Variants in HGD observed in about 807,000 individuals in gnomAD.
HGD encodes homogentisate 1,2-dioxygenase, also known as homogentisate oxidase.
A neutral mutation model predicts 60.8 loss-of-function variants in HGD; 61 were observed. The observed-to-expected ratio is 1.00, with a 90% confidence interval of 0.82 to 1.24. HGD has a LOEUF of 1.24. Ranked by LOEUF, HGD falls within the 50% of genes most tolerant of loss-of-function variation. The probability of loss-of-function intolerance (pLI) is 0.00; values close to 1 mark genes in which losing one functional copy is unlikely to be tolerated. For synonymous variants in HGD, 212 were observed against 187.7 expected (o/e 1.13, Z -1.06); for missense variants, 542 against 547.1 (o/e 0.99, Z 0.09).
At chr3:120,635,356 A>G (rs750733838) in intron 12 of HGD, among the ~76,000 whole-genome samples, 2 of 151,740 alleles carry the variant, frequency 1.3e-5, no homozygotes, top group Non-Finnish European at 2.9e-5. Flanking sequence ...GGGCGCCTGT[A>G]GTCCCAGCTA....
intron 4 of HGD, among the ~76,000 whole-genome samples, chr3:120,661,774 G>C (rs1707773803): frequency 6.6e-6 from 1 of 152,190 alleles, no homozygotes; most frequent in Non-Finnish European, 1.5e-5. Flanking sequence ...AATGTGCACT[G>C]TAATGTTGGC....
intron 11 of HGD, among the ~76,000 whole-genome samples, chr3:120,640,891 T>C (rs980378343): frequency 1.3e-5 from 2 of 152,136 alleles, no homozygotes; most frequent in Non-Finnish European, 2.9e-5. Flanking sequence ...TAATTATCCT[T>C]CCAGCTTGTG....
In HGD at chr3:120,674,972, G is replaced by T; in HGVS notation, c.105C>A (p.Cys35Ter). The T allele has an allele frequency of 6.2e-7, 1 of 1,610,328 alleles. No individual in the cohort carries two copies. Among genetic ancestry groups the T allele is most frequent in the South Asian group, 1.1e-5 (1 of 91,028 alleles). Residue 35 changes from cysteine (C) to a stop codon, truncating the protein, a stop_gained, in exon 3 of 14, where the codon TGC (cysteine) becomes TGA (stop). Coordinates refer to ENST00000283871, the MANE Select transcript of HGD (RefSeq NM_000187.4). LOFTEE classifies it high-confidence loss of function. ...LPEGQNNPQV[C>*]PYNLYAEQLS... ...GCTGCTCAGCATAGAGATTGTAGGG[G>T]CAGACCTGAGGATTATTCTGAAACA...
Position 120,644,326 on chromosome 3 carries a change from G to A in HGD, c.767C>T (p.Ala256Val), listed in dbSNP as rs752334034. 4 of 1,613,932 alleles carry A rather than the reference G, an allele frequency of 2.5e-6. No homozygotes were observed. Among genetic ancestry groups the A allele is most frequent in the Non-Finnish European group, 3.4e-6 (4 of 1,179,986 alleles). Residue 256 changes from alanine (A) to valine (V), a missense_variant, in exon 10 of 14, where the codon GCC (alanine) becomes GTC (valine). This residue lies in a region of HGD where 537 missense variants were observed against 529.1 expected (regional missense o/e 1.01). Coordinates refer to ENST00000283871, the MANE Select transcript of HGD (RefSeq NM_000187.4). ...CCAACCCTTTTACTTTACCTGTTTGGCAGCAAACAGCTTGCCCTGGTATTT... is the reference window on the plus strand; with the variant it reads ...CCAACCCTTTTACTTTACCTGTTTGACAGCAAACAGCTTGCCCTGGTATTT... ...INKYQGKLFA[A>V]KQDVSPFNVV...
At chr3:120,672,367 A>G (rs551351555) in intron 3 of HGD, among the ~76,000 whole-genome samples, 2 of 152,286 alleles carry the variant, frequency 1.3e-5, no homozygotes, top group East Asian at 3.9e-4. Flanking sequence ...GCTGGAAGGG[A>G]CATTGAAGCT....
chr3:120,669,440 C>T (rs141031629), intron 4 of HGD, among the ~76,000 whole-genome samples: 4,394 of 135,880 alleles, frequency 0.032, 135 homozygotes, highest in East Asian at 0.16. Flanking sequence ...AGCTTATGTG[C>T]GCATGTGCAC....
intron 11 of HGD, 27 bp from the exon 12 acceptor site, chr3:120,638,608 C>T (rs375566897): frequency 4.5e-5 from 72 of 1,613,174 alleles, no homozygotes; most frequent in Admixed American, 2.7e-4. Context: ...AGAGACTGAA[C>T]GCATGATGCA....
intron 10 of HGD, among the ~76,000 whole-genome samples, chr3:120,642,601 T>C (rs1446303777): frequency 2.0e-5 from 3 of 152,196 alleles, no homozygotes; most frequent in Admixed American, 1.3e-4. Context: ...GATGATTTTC[T>C]AGCTACCAGT....
rs1183503697 is a variant in HGD at position 120,652,670 on chromosome 3, T to C, written c.283-19A>G. On this transcript the variant is annotated intron_variant, in intron 4 of 13. Coordinates refer to ENST00000283871, the MANE Select transcript of HGD (RefSeq NM_000187.4). Reference sequence around the variant, plus strand: ...ATCTAAGCTGGAAAAAAAATACACATACAGAAAAATTACTTCACAAGGGTA... The same window carrying C: ...ATCTAAGCTGGAAAAAAAATACACACACAGAAAAATTACTTCACAAGGGTA... 7 of 1,577,568 alleles carry C rather than the reference T, an allele frequency of 4.4e-6. No individual in the cohort carries two copies. The Admixed American group carries it at 1.0e-4, about 23-fold the overall frequency.
chr3:120,637,694 AC>A (rs1940827922), intron 12 of HGD, among the ~76,000 whole-genome samples: 1 of 152,114 alleles, frequency 6.6e-6, no homozygotes, highest in Admixed American at 6.6e-5. Flanking sequence ...TCCCAAAACA[AC>A]AGACTAACTA....
At chr3:120,649,395 G>A (rs1455549711) in intron 6 of HGD, among the ~76,000 whole-genome samples, 8 of 151,624 alleles carry the variant, frequency 5.3e-5, no homozygotes, top group African/African-American at 9.7e-5. Flanking sequence ...CGCCCACCTC[G>A]GCCTCTCAAA....
At position 120,682,175 on chromosome 3, in the gene HGD, T is replaced by G; in HGVS notation, c.-64A>C. ...AGGCCCAGAGGATATAAAGCCACAA[T>G]GCTTCTTTCTCCTTCAAACCACTCT... is the stretch of plus-strand genomic sequence containing the variant. On this transcript the variant is annotated 5_prime_UTR_variant, in exon 1 of 14. Coordinates refer to ENST00000283871, the MANE Select transcript of HGD (RefSeq NM_000187.4). 6.6e-7 allele frequency: 1 copy of G among 1,505,554 alleles called. No homozygotes were observed. The allele number at this position is 1,505,554 out of a possible 1,614,324, so 93.3% of individuals were successfully genotyped here.
chr3:120,677,904 G>A (rs1170810867), intron 1 of HGD: 1 of 152,170 alleles, frequency 6.6e-6, no homozygotes, highest in East Asian at 1.9e-4. Flanking sequence ...AAGAACCTAC[G>A]TGAATATTGG....
chr3:120,663,151 A>G (rs1215115631), intron 4 of HGD, among the ~76,000 whole-genome samples: 1 of 152,164 alleles, frequency 6.6e-6, no homozygotes, highest in Non-Finnish European at 1.5e-5. Context: ...AGAACAATAC[A>G]GAGGGGAAGG....
At chr3:120,628,688 G>A (rs1416505961) in intron 13 of HGD, among the ~76,000 whole-genome samples, 159 bp from the exon 14 acceptor site, 1 of 152,230 alleles carries the variant, frequency 6.6e-6, no homozygotes, top group Non-Finnish European at 1.5e-5. Context: ...CAAGCCCTGA[G>A]TTGTGGCTCT....
rs1365425810 is a variant in HGD at position 120,633,065 on chromosome 3, T to C, written c.1188+82A>G. ...TCTTTTGACTCTTCCTCTGTGACTT[T>C]GGAGAAATGAAAAACGGCCACCCCT... On this transcript the variant is annotated intron_variant, in intron 13 of 13. Coordinates refer to ENST00000283871, the MANE Select transcript of HGD (RefSeq NM_000187.4). 4.0e-6 allele frequency: 5 copies of C among 1,255,702 alleles called. No homozygotes were observed. In the African/African-American group the frequency reaches 4.4e-5, roughly 11 times the overall value. The allele number at this position is 1,255,702 out of a possible 1,614,324, so 77.8% of individuals were successfully genotyped here.
chr3:120,666,018 A>G (rs551557573), intron 4 of HGD, among the ~76,000 whole-genome samples: 3 of 152,350 alleles, frequency 2.0e-5, no homozygotes, highest in Middle Eastern at 3.4e-3. Context: ...ATAATGAAGT[A>G]TAAAATTGGA....
At chr3:120,635,476 C>CAA (rs149923580) in intron 12 of HGD, among the ~76,000 whole-genome samples, 731 of 63,534 alleles carry the variant, frequency 0.012, no homozygotes, top group East Asian at 0.015. Context: ...GATTCCGTCT[C>CAA]AAAAAAAAAA....
At chr3:120,668,101 T>G (rs1045858040) in intron 4 of HGD, among the ~76,000 whole-genome samples, 6 of 152,176 alleles carry the variant, frequency 3.9e-5, no homozygotes, top group Non-Finnish European at 7.4e-5. Flanking sequence ...GCAATGTGCT[T>G]AAAGGCAATA....
Sources: gnomAD v4.1 joint callset for allele counts (sites outside exome capture counted in the v4.1 genomes callset) on GRCh38, gnomAD v4.1.1 for gene constraint, gnomAD v4.1.1 regional missense constraint, MANE v1.5 for transcripts, NCBI Gene and HGNC (gene_info 2026-07-23, HGNC 2026-07-21) for gene names.